The following PP2D1 variants were observed in gnomAD, a reference collection of about 807,000 sequenced individuals.
PP2D1 encodes the protein protein phosphatase 2C like domain containing 1.
In PP2D1, 25 loss-of-function variants were observed where a neutral mutation model predicts 30.2. The observed-to-expected ratio is 0.83, with a 90% confidence interval of 0.60 to 1.16. The LOEUF is 1.16. Ranked by LOEUF, PP2D1 falls within the 50% of genes most tolerant of loss-of-function variation. The pLI, the probability that PP2D1 is intolerant of heterozygous loss-of-function variation, is 0.00. For synonymous variants in PP2D1, 260 were observed against 258.9 expected (o/e 1.00, Z -0.04); for missense variants, 760 against 742.4 (o/e 1.02, Z -0.28).
chr3:19,983,730 A>G (rs1394769960), downstream of PP2D1: 2 of 1,611,006 alleles, frequency 1.2e-6, no homozygotes, highest in African/African-American at 1.3e-5. Flanking sequence ...CAAAGAATGA[A>G]CCACAAAATC....
chr3:19,986,519 T>C (rs1011845807), intron 2 of PP2D1, among the ~76,000 whole-genome samples: 1 of 152,250 alleles, frequency 6.6e-6, no homozygotes, highest in South Asian at 2.1e-4. Context: ...GTTGAACTTT[T>C]TTATAGCCAA....
Position 19,985,969 on chromosome 3 carries a change from G to A in PP2D1, c.1304C>T (p.Ala435Val). Residue 435 changes from alanine (A) to valine (V), a missense_variant, in exon 3 of 3, where the codon GCA becomes GTA. Around this residue, in one of 3 missense-constraint regions of PP2D1, gnomAD observed 369 missense variants for 316.2 expected, o/e 1.17. Coordinates refer to ENST00000389050, the MANE Select transcript of PP2D1 (RefSeq NM_001252657.2). Reference protein sequence around the residue: ...NLKLKKSIIPAPQTISVPIDD... With the variant: ...NLKLKKSIIPVPQTISVPIDD... ...TATAGGGACAGAAATAGTTTGAGGT[G>A]CTGGGATAATGGATTTTTTCAGCTT... The A allele has an allele frequency of 6.5e-7, 1 of 1,536,192 alleles. No homozygotes were observed. Among genetic ancestry groups the A allele is most frequent in the Non-Finnish European group, 8.7e-7 (1 of 1,146,868 alleles).
At chr3:19,980,485 G>C (rs2125132818), downstream of PP2D1, among the ~76,000 whole-genome samples, 1 of 145,840 alleles carries the variant, frequency 6.9e-6, no homozygotes, top group East Asian at 2.0e-4. Context: ...GGAACACTTT[G>C]ATAGATTAGT....
At chr3:19,996,466 C>T (rs7631471) in intron 2 of PP2D1, among the ~76,000 whole-genome samples, 2,709 of 152,116 alleles carry the variant, frequency 0.018, 72 homozygotes, top group African/African-American at 0.06. Context: ...ATGAAAAGCC[C>T]GGGACCAGAT....
chr3:19,985,976 T>A lies in PP2D1; in HGVS notation c.1297A>T (p.Ile433Phe). The change falls in exon 3 of 3, where the codon ATC becomes TTC. Residue 433 changes from isoleucine to phenylalanine, a missense_variant. Ile to Phe is a conservative substitution (Grantham distance 21). Around this residue, in one of 3 missense-constraint regions of PP2D1, gnomAD observed 369 missense variants for 316.2 expected, o/e 1.17. Coordinates refer to ENST00000389050, the MANE Select transcript of PP2D1 (RefSeq NM_001252657.2). The part of the protein sequence containing the change: ...HGNLKLKKSI[I>F]PAPQTISVPI... ...ACAGAAATAGTTTGAGGTGCTGGGA[T>A]AATGGATTTTTTCAGCTTGAGATTT... is the stretch of plus-strand genomic sequence containing the variant. 1 of 1,536,200 alleles carries A rather than the reference T, an allele frequency of 6.5e-7. No individual in the cohort carries two copies. Among genetic ancestry groups the A allele is most frequent in the Non-Finnish European group, 8.7e-7 (1 of 1,146,882 alleles).
At chr3:19,983,840 A>G (rs756173337), downstream of PP2D1, 4 of 1,483,704 alleles carry the variant, frequency 2.7e-6, no homozygotes, top group Non-Finnish European at 3.8e-6. Context: ...AGTTTGAACT[A>G]GCTGGAATAG....
chr3:20,001,959 T>TGA lies in PP2D1; in HGVS notation c.160_161insTC (p.Glu54ValfsTer23). ...GGTCCCTTGCTCATAGACCTGCTCC[T>TGA]CTTCATGGCGTTTGGTGTGTCTCAC... On this transcript the variant is annotated frameshift_variant, in exon 2 of 3. Transcript: ENST00000389050. LOFTEE classifies it high-confidence loss of function. 6.5e-7 allele frequency: 1 copy of TGA among 1,536,358 alleles called. No individual in the cohort carries two copies. Among genetic ancestry groups the TGA allele is most frequent in the Non-Finnish European group, 8.7e-7 (1 of 1,146,958 alleles).
intron 2 of PP2D1, among the ~76,000 whole-genome samples, chr3:19,995,214 T>C (rs992111178): frequency 1.3e-4 from 20 of 152,086 alleles, no homozygotes; most frequent in Admixed American, 3.9e-4. Context: ...TGTGTTCTTA[T>C]TGGCAAAAAA....
At position 20,001,476 on chromosome 3, in the gene PP2D1, G is replaced by T; in HGVS notation, c.644C>A (p.Ala215Glu). 1 of 1,536,334 alleles carries T rather than the reference G, an allele frequency of 6.5e-7. No individual in the cohort carries two copies. Among genetic ancestry groups the T allele is most frequent in the South Asian group, 1.2e-5 (1 of 84,054 alleles). The change falls in exon 2 of 3, where the codon GCG becomes GAG. Residue 215 changes from alanine to glutamate, a missense_variant. Around this residue, in one of 3 missense-constraint regions of PP2D1, gnomAD observed 374 missense variants for 388.8 expected, o/e 0.96. Coordinates refer to ENST00000389050, the MANE Select transcript of PP2D1 (RefSeq NM_001252657.2). ...GLFDGHHGASAAELTSMELPV... is the reference protein window; with the variant it reads ...GLFDGHHGASEAELTSMELPV... Reference sequence around the variant, plus strand: ...GAGTTCCATTGATGTCAACTCTGCCGCTGAGGCACCGTGATGTCCATCAAA... The same window carrying T: ...GAGTTCCATTGATGTCAACTCTGCCTCTGAGGCACCGTGATGTCCATCAAA...
intron 2 of PP2D1, among the ~76,000 whole-genome samples, chr3:19,988,995 A>G (rs1246025936): frequency 6.6e-6 from 1 of 152,122 alleles, no homozygotes. Flanking sequence ...AAAAAAAACA[A>G]AAAAGGTTGA....
Position 20,001,163 on chromosome 3 carries a change from C to T in PP2D1, c.957G>A (p.Leu319=). The T allele has an allele frequency of 6.8e-7, 1 of 1,480,170 alleles. No individual in the cohort carries two copies. The highest frequency in any genetic ancestry group is 8.9e-7 in the Non-Finnish European group (1 of 1,120,294). 91.7% of individuals were successfully genotyped at this position (1,480,170 alleles called of 1,614,324 possible). A position where few individuals can be genotyped will look rare whatever the true frequency, so the allele number is the denominator to read the frequency against. ...WSGCSAVTCI[L]EGKPKSPYAH... ...CATAAGGACTTTTAGGTTTGCCTTCCAATATACAAGTAACTGCAGAGCAGC... is the reference window on the plus strand; with the variant it reads ...CATAAGGACTTTTAGGTTTGCCTTCTAATATACAAGTAACTGCAGAGCAGC... Residue 319 remains leucine (L), a synonymous_variant, in exon 2 of 3, where the codon TTG becomes TTA. Transcript: ENST00000389050.
At chr3:20,012,024 T>C (rs1404324987) in intron 1 of PP2D1, 26 bp downstream of exon 1, 2 of 1,510,554 alleles carry the variant, frequency 1.3e-6, no homozygotes, top group Non-Finnish European at 1.8e-6. Flanking sequence ...ATACGTATTA[T>C]CCAAAAAAGA....
chr3:19,983,770 G>A (rs1227048864), downstream of PP2D1: 1 of 1,612,638 alleles, frequency 6.2e-7, no homozygotes, highest in South Asian at 1.1e-5. Flanking sequence ...AGGAAGAGGA[G>A]TAGACCTTAC....
At chr3:19,990,640 G>A (rs1697107376) in intron 2 of PP2D1, among the ~76,000 whole-genome samples, 1 of 152,274 alleles carries the variant, frequency 6.6e-6, no homozygotes, top group African/African-American at 2.4e-5. Context: ...ACAATGAGTG[G>A]CATATGCTGT....
intron 1 of PP2D1, among the ~76,000 whole-genome samples, chr3:20,007,282 G>A (rs1197777834): frequency 6.6e-6 from 1 of 151,942 alleles, no homozygotes; most frequent in Non-Finnish European, 1.5e-5. Flanking sequence ...TTGTTGTATT[G>A]GTTTATTAGT....
chr3:19,993,564 C>T (rs1173954744), intron 2 of PP2D1, among the ~76,000 whole-genome samples: 1 of 152,044 alleles, frequency 6.6e-6, no homozygotes. Flanking sequence ...GGTGAAACCC[C>T]GTCTTTACAT....
At chr3:19,981,924 A>C (rs1696936511), downstream of PP2D1, among the ~76,000 whole-genome samples, 1 of 152,196 alleles carries the variant, frequency 6.6e-6, no homozygotes, top group Non-Finnish European at 1.5e-5. Flanking sequence ...CTGGTCAGTC[A>C]GATTAGGATT....
At chr3:19,991,168 AAG>A (rs1448107003) in intron 2 of PP2D1, among the ~76,000 whole-genome samples, 6 of 152,242 alleles carry the variant, frequency 3.9e-5, no homozygotes, top group Non-Finnish European at 8.8e-5. Flanking sequence ...GGGGATTAAA[AAG>A]AGCCGCTTGG....
At chr3:20,006,103 A>G (rs1446075043) in intron 1 of PP2D1, among the ~76,000 whole-genome samples, 1 of 151,704 alleles carries the variant, frequency 6.6e-6, no homozygotes, top group African/African-American at 2.4e-5. Context: ...CAAAAATTAG[A>G]TGGGCGTGAT....
Sources: gnomAD v4.1 joint callset for allele counts (sites outside exome capture counted in the v4.1 genomes callset) on GRCh38, gnomAD v4.1.1 for gene constraint, gnomAD v4.1.1 regional missense constraint, MANE v1.5 for transcripts, NCBI Gene and HGNC (gene_info 2026-07-23, HGNC 2026-07-21) for gene names.